The following IFT140 variants were observed in gnomAD, a reference collection of about 807,000 sequenced individuals.
IFT140 encodes intraflagellar transport 140.
Under a neutral mutation model 164.6 loss-of-function variants are expected in IFT140, and 133 were observed. That is an observed-to-expected ratio of 0.81 (90% confidence interval 0.70 to 0.93). The LOEUF (loss-of-function observed/expected upper bound fraction) is 0.93, where lower values mean the gene tolerates loss of function less well. Among genes scored for constraint, IFT140 ranks in the 40% least tolerant of loss-of-function variants. The pLI, the probability that IFT140 is intolerant of heterozygous loss-of-function variation, is 0.00. For synonymous variants in IFT140, 860 were observed against 817.3 expected (o/e 1.05, Z -0.89); for missense variants, 2,045 against 1,972.3 (o/e 1.04, Z -0.70).
chr16:1,582,011 G>A (rs1400784331), intron 12 of IFT140, among the ~76,000 whole-genome samples: 1 of 152,214 alleles, frequency 6.6e-6, no homozygotes, highest in Non-Finnish European at 1.5e-5. Flanking sequence ...GGGGGCAACC[G>A]CCCTGGGAAG....
intron 3 of IFT140, among the ~76,000 whole-genome samples, chr16:1,606,894 ACACACACCCATATG>A (rs2036094119): frequency 6.6e-6 from 1 of 151,652 alleles, no homozygotes; most frequent in Non-Finnish European, 1.5e-5. Flanking sequence ...ACAGATGCAC[ACACACACCCATATG>A]CACACACCCA....
At chr16:1,539,959 G>C (rs570946460) in intron 19 of IFT140, among the ~76,000 whole-genome samples, 2 of 152,192 alleles carry the variant, frequency 1.3e-5, no homozygotes, top group Non-Finnish European at 2.9e-5. Context: ...GGCCGGAGCG[G>C]GCACAGTGGA....
At chr16:1,541,133 GC>G in intron 19 of IFT140, 1 of 985,436 alleles carries the variant, frequency 1.0e-6, no homozygotes, top group Non-Finnish European at 1.2e-6. Flanking sequence ...GCATCCATGT[GC>G]CCTGCCCACC....
intron 4 of IFT140, among the ~76,000 whole-genome samples, chr16:1,600,432 C>A (rs2035732999): frequency 7.9e-6 from 1 of 126,866 alleles, no homozygotes. Context: ...CTGTGAGAAA[C>A]ACCCAAGAAT....
chr16:1,549,225 C>T (rs2032434403), intron 19 of IFT140, among the ~76,000 whole-genome samples: 1 of 152,220 alleles, frequency 6.6e-6, no homozygotes, highest in Non-Finnish European at 1.5e-5. Flanking sequence ...CAAACAAAAG[C>T]CGACGCTGCT....
intron 19 of IFT140, among the ~76,000 whole-genome samples, chr16:1,549,233 G>A (rs1247976533): frequency 1.3e-5 from 2 of 152,260 alleles, no homozygotes; most frequent in East Asian, 1.9e-4. Context: ...AGCCGACGCT[G>A]CTCTCCACAC....
Position 1,525,197 on chromosome 16 carries a change from G to A in IFT140, c.2864+34C>T, listed in dbSNP as rs371986107. 15 of 1,518,200 alleles carry A rather than the reference G, an allele frequency of 9.9e-6. No individual in the cohort carries two copies. The East Asian group carries it at 1.1e-4, about 11-fold the overall frequency. 94.0% of individuals were successfully genotyped at this position (1,518,200 alleles called of 1,614,324 possible). A position where few individuals can be genotyped will look rare whatever the true frequency, so the allele number is the denominator to read the frequency against. ...GGTCCCTGCAAACCTCCAGGATGGAGTGCGGTCCCACCAGCCCTGGTGGGG... is the reference window on the plus strand; with the variant it reads ...GGTCCCTGCAAACCTCCAGGATGGAATGCGGTCCCACCAGCCCTGGTGGGG... On this transcript the variant is annotated intron_variant, in intron 22 of 30. Transcript: ENST00000426508.
intron 7 of IFT140, among the ~76,000 whole-genome samples, chr16:1,588,304 T>C (rs1360125630): frequency 2.0e-5 from 3 of 152,034 alleles, no homozygotes; most frequent in Admixed American, 6.5e-5. Context: ...GGCAGGCGGA[T>C]CATGAGGTCA....
At chr16:1,595,023 C>T (rs960554189) in intron 4 of IFT140, among the ~76,000 whole-genome samples, 1 of 152,228 alleles carries the variant, frequency 6.6e-6, no homozygotes, top group Non-Finnish European at 1.5e-5. Flanking sequence ...CGGTGGCTCA[C>T]GCCTGTAATC....
intron 15 of IFT140, 151 bp downstream of exon 15, chr16:1,568,066 G>A (rs528345018): frequency 2.7e-5 from 17 of 631,706 alleles, no homozygotes; most frequent in African/African-American, 7.2e-5. Context: ...GGAGAGACCC[G>A]GGGAGACGAG....
chr16:1,562,639 G>A (rs569290809), intron 17 of IFT140, among the ~76,000 whole-genome samples: 35 of 152,294 alleles, frequency 2.3e-4, no homozygotes, highest in African/African-American at 8.4e-4. Context: ...AGGCGTGGTG[G>A]TAGGCACTTG....
At chr16:1,589,829 C>T (rs750130622) in intron 6 of IFT140, 49 bp from the exon 7 acceptor site, 2 of 1,502,022 alleles carry the variant, frequency 1.3e-6, no homozygotes, top group South Asian at 1.2e-5. Flanking sequence ...GGTTTATCTG[C>T]TTCCATGACC....
Position 1,586,209 on chromosome 16 carries a change from C to G in IFT140, c.1076G>C (p.Gly359Ala). ...AMWRKVPDFL[G>A]SPGAEGKDRW... ...GTCCTTGCCCTCTGCCCCGGGGCTG[C>G]CCAGGAAGTCTGGTACTTTCCTCCA... Residue 359 changes from glycine to alanine, a missense_variant, in exon 10 of 31, where the codon GGC becomes GCC. Transcript: ENST00000426508. 6.2e-7 allele frequency: 1 copy of G among 1,614,020 alleles called. No homozygotes were observed. The highest frequency in any genetic ancestry group is 8.5e-7 in the Non-Finnish European group (1 of 1,179,982).
intron 19 of IFT140, chr16:1,534,023 T>A (rs1567339849): frequency 1.9e-6 from 1 of 518,046 alleles, no homozygotes; most frequent in African/African-American, 2.0e-5. Context: ...CTGCCCACCC[T>A]CTGCTCCCTG....
chr16:1,585,993 G>A (rs541279727), intron 10 of IFT140, 137 bp downstream of exon 10: 96 of 974,026 alleles, frequency 9.9e-5, no homozygotes, highest in African/African-American at 7.3e-4. Context: ...GGATGGTCTC[G>A]ATCTCCTGAC....
rs1044210709 is a variant in IFT140 at position 1,521,870 on chromosome 16, AC to A, written c.3454-1063del. Among the ~76,000 whole-genome samples the A allele has an allele frequency of 6.6e-5, 10 of 151,124 alleles. No individual in the cohort carries two copies. The East Asian group carries it at 1.8e-3, about 27-fold the overall frequency. On this transcript the variant is annotated intron_variant, in intron 26 of 30. Coordinates refer to ENST00000426508, the MANE Select transcript of IFT140 (RefSeq NM_014714.4). Reference sequence around the variant, plus strand: ...ACCCCCATCTCCACAAGAAAAAAAAACAGTAATAACCCACAAATATATATGA... The same window carrying A: ...ACCCCCATCTCCACAAGAAAAAAAAAAGTAATAACCCACAAATATATATGA...
intron 18 of IFT140, among the ~76,000 whole-genome samples, chr16:1,561,404 A>C (rs906599002): frequency 2.0e-5 from 3 of 152,210 alleles, no homozygotes; most frequent in Middle Eastern, 3.2e-3. Context: ...TGACGATCCC[A>C]TTCTCTCAGT....
intron 12 of IFT140, among the ~76,000 whole-genome samples, chr16:1,581,779 CGGAGGGGAGGGGAGG>C (rs1446631048): frequency 1.4e-4 from 1 of 7,166 alleles, no homozygotes; most frequent in African/African-American, 5.7e-4. Context: ...GGGAGGGGAG[CGGAGGGGAGGGGAGG>C]GGAGTGGAGG....
chr16:1,520,678 A>G lies in IFT140; in HGVS notation c.3584T>C (p.Ile1195Thr), dbSNP rs753550166. Residue 1195 changes from isoleucine (I) to threonine (T), a missense_variant, in exon 27 of 31, where the codon ATA (isoleucine) becomes ACA (threonine). Transcript: ENST00000426508. ...GCCCTGGCGCATGCAGCAGTCTGCTATCTGCTCCAGCAGCTCCCGCCGCGA... is the reference window on the plus strand; with the variant it reads ...GCCCTGGCGCATGCAGCAGTCTGCTGTCTGCTCCAGCAGCTCCCGCCGCGA... Reference protein sequence around the residue: ...EESRRELLEQIADCCMRQGSY... With the variant: ...EESRRELLEQTADCCMRQGSY... The G allele has an allele frequency of 3.5e-5, 57 of 1,608,506 alleles. No homozygotes were observed. Among genetic ancestry groups the G allele is most frequent in the Non-Finnish European group, 4.7e-5 (55 of 1,177,672 alleles).
Sources: allele counts gnomAD v4.1 joint callset (sites outside exome capture counted in the v4.1 genomes callset), GRCh38; gene constraint gnomAD v4.1.1; transcripts MANE v1.5; gene names NCBI Gene and HGNC (gene_info 2026-07-23, HGNC 2026-07-21).